The following TNRC6B variants were observed in gnomAD, a reference collection of about 807,000 sequenced individuals.
The protein encoded by TNRC6B is trinucleotide repeat-containing gene 6B protein.
TNRC6B carries 52 observed loss-of-function variants against 203.6 expected under a neutral mutation model. The ratio of observed to expected loss-of-function variants is 0.26; its 90% CI spans 0.20 to 0.32. TNRC6B has a LOEUF of 0.32. Ranked by LOEUF, TNRC6B falls within the 10% of genes least tolerant of loss-of-function variation. The pLI is 1.00. For synonymous variants in TNRC6B, 838 were observed against 845.7 expected (o/e 0.99, Z 0.16); for missense variants, 1,923 against 2,286.2 (o/e 0.84, Z 3.24).
At chr22:40,165,735 A>G (rs1346057134) in intron 4 of TNRC6B, among the ~76,000 whole-genome samples, 1 of 152,194 alleles carries the variant, frequency 6.6e-6, no homozygotes, top group Non-Finnish European at 1.5e-5. Flanking sequence ...GGCGGCAGAA[A>G]GGAGAAGTGC....
At chr22:40,063,933 G>T (rs1235701654) in intron 1 of TNRC6B, among the ~76,000 whole-genome samples, 1 of 152,026 alleles carries the variant, frequency 6.6e-6, no homozygotes, top group Non-Finnish European at 1.5e-5. Context: ...GAACTCCTGG[G>T]CTCGAGTGAT....
chr22:40,177,065 TG>T (rs2069069734), upstream of TNRC6B, among the ~76,000 whole-genome samples: 1 of 152,162 alleles, frequency 6.6e-6, no homozygotes, highest in Non-Finnish European at 1.5e-5. Context: ...GGGCTGGAGA[TG>T]CAAACCGAGC....
intron 1 of TNRC6B, among the ~76,000 whole-genome samples, chr22:40,191,185 A>C (rs1294315888): frequency 2.0e-5 from 3 of 151,902 alleles, no homozygotes; most frequent in African/African-American, 7.3e-5. Flanking sequence ...AAGTCAGGAC[A>C]GCTGTGTGGT....
chr22:40,110,449 C>G (rs989628554), intron 1 of TNRC6B, among the ~76,000 whole-genome samples: 1 of 152,190 alleles, frequency 6.6e-6, no homozygotes, highest in African/African-American at 2.4e-5. Flanking sequence ...TTGTAACCCT[C>G]GGTGAATTCC....
intron 1 of TNRC6B, among the ~76,000 whole-genome samples, chr22:40,074,984 A>G (rs1317544809): frequency 2.0e-5 from 3 of 151,526 alleles, no homozygotes; most frequent in Admixed American, 2.0e-4. Flanking sequence ...ACCATAAAAC[A>G]CATGCAATTT....
chr22:40,090,232 G>A (rs899694174), intron 1 of TNRC6B, among the ~76,000 whole-genome samples: 2 of 152,186 alleles, frequency 1.3e-5, no homozygotes, highest in Non-Finnish European at 2.9e-5. Flanking sequence ...GTAAGAGTAA[G>A]TTTAGTTTTG....
chr22:40,126,184 C>T (rs1306959404), intron 3 of TNRC6B, among the ~76,000 whole-genome samples: 7 of 152,132 alleles, frequency 4.6e-5, no homozygotes, highest in Non-Finnish European at 8.8e-5. Flanking sequence ...CAAAGCTGGT[C>T]CCCTGTTCCT....
intron 1 of TNRC6B, among the ~76,000 whole-genome samples, chr22:40,072,766 A>T (rs2067962372): frequency 6.9e-6 from 1 of 145,914 alleles, no homozygotes; most frequent in South Asian, 2.3e-4. Context: ...CAGGAGGCGG[A>T]GGCAGGGGAA....
At chr22:40,237,816 C>G (rs896532358) in intron 1 of TNRC6B, among the ~76,000 whole-genome samples, 1 of 139,518 alleles carries the variant, frequency 7.2e-6, no homozygotes, top group African/African-American at 2.4e-5. Flanking sequence ...CATCTCTTCC[C>G]TCTTAGACAC....
intron 1 of TNRC6B, among the ~76,000 whole-genome samples, chr22:40,182,274 G>A (rs919336316): frequency 6.6e-6 from 1 of 152,016 alleles, no homozygotes; most frequent in Admixed American, 6.6e-5. Flanking sequence ...AGAAAAAAAA[G>A]CCAAATAATT....
At chr22:40,075,809 C>T (rs943158542) in intron 1 of TNRC6B, among the ~76,000 whole-genome samples, 3 of 152,106 alleles carry the variant, frequency 2.0e-5, no homozygotes, top group Admixed American at 6.6e-5. Context: ...TTAAAATATG[C>T]ATCTTTAACT....
chr22:40,162,615 T>A (rs1352028060), intron 4 of TNRC6B, among the ~76,000 whole-genome samples: 1 of 152,232 alleles, frequency 6.6e-6, no homozygotes, highest in East Asian at 1.9e-4. Flanking sequence ...GTTGTTAACG[T>A]TTTAATTTTG....
rs899718095 is a variant in TNRC6B at position 40,265,012 on chromosome 22, C to A, written c.782C>A (p.Ser261Tyr). 4 of 1,613,902 alleles carry A rather than the reference C, an allele frequency of 2.5e-6. No homozygotes were observed. The African/African-American group carries it at 5.3e-5, about 22-fold the overall frequency. ...GNECNLGVWK[S>Y]DPKAKSVQSS... ...GAATGTAATCTTGGGGTCTGGAAATCTGACCCTAAGGCTAAATCTGTTCAA... is the reference window on the plus strand; with the variant it reads ...GAATGTAATCTTGGGGTCTGGAAATATGACCCTAAGGCTAAATCTGTTCAA... The change falls in exon 5 of 23, where the codon TCT becomes TAT. Residue 261 changes from serine to tyrosine, a missense_variant. Ser to Tyr is a moderately radical substitution (Grantham distance 144). Coordinates refer to ENST00000454349, the MANE Select transcript of TNRC6B (RefSeq NM_001162501.2).
chr22:40,081,293 T>G (rs1475668472), intron 1 of TNRC6B, among the ~76,000 whole-genome samples: 1 of 151,176 alleles, frequency 6.6e-6, no homozygotes, highest in African/African-American at 2.4e-5. Flanking sequence ...TGATATTCCT[T>G]TAAGTGTCTG....
chr22:40,130,979 G>A (rs887435604), intron 3 of TNRC6B, among the ~76,000 whole-genome samples: 6 of 149,574 alleles, frequency 4.0e-5, no homozygotes, highest in African/African-American at 1.5e-4. Flanking sequence ...TCGGGTCACT[G>A]CAAGCTCCGC....
chr22:40,281,773 G>A (rs1165397956), intron 11 of TNRC6B, among the ~76,000 whole-genome samples: 4 of 152,174 alleles, frequency 2.6e-5, no homozygotes, highest in Non-Finnish European at 5.9e-5. Context: ...GTAATTACCC[G>A]GAGAAGGGTA....
intron 1 of TNRC6B, among the ~76,000 whole-genome samples, chr22:40,197,149 G>A (rs1366323257): frequency 1.3e-5 from 2 of 152,044 alleles, no homozygotes; most frequent in East Asian, 3.8e-4. Flanking sequence ...TGCAGATGAC[G>A]GGAACAGCTT....
chr22:40,130,260 C>A (rs1305636343), intron 3 of TNRC6B, among the ~76,000 whole-genome samples: 3 of 152,082 alleles, frequency 2.0e-5, no homozygotes, highest in Non-Finnish European at 4.4e-5. Context: ...TGAGCTCAGG[C>A]CCAAATCCTG....
chr22:40,049,339 C>T (rs2067725821), intron 1 of TNRC6B, among the ~76,000 whole-genome samples: 1 of 151,922 alleles, frequency 6.6e-6, no homozygotes, highest in Admixed American at 6.5e-5. Context: ...TCTTAACTCT[C>T]TGCCTTTTCT....
Sources: allele counts gnomAD v4.1 joint callset (sites outside exome capture counted in the v4.1 genomes callset), GRCh38; gene constraint gnomAD v4.1.1; transcripts MANE v1.5; gene names NCBI Gene and HGNC (gene_info 2026-07-23, HGNC 2026-07-21).